The following MDGA2 variants were observed in gnomAD, a reference collection of about 807,000 sequenced individuals.
The protein encoded by MDGA2 is MAM domain-containing glycosylphosphatidylinositol anchor protein 2.
In MDGA2, 40 loss-of-function variants were observed where a neutral mutation model predicts 117.8. The observed-to-expected ratio is 0.34, with a 90% CI of 0.26 to 0.44. MDGA2 has a LOEUF of 0.44. Among genes scored for constraint, MDGA2 ranks in the 20% least tolerant of loss-of-function variants. The pLI is 1.00. For missense variants in MDGA2, 1,123 were observed against 1,250.6 expected (o/e 0.90, Z 1.54); for synonymous variants, 452 against 439.0 (o/e 1.03, Z -0.37).
chr14:47,514,074 TAAC>T (rs1894701066), intron 1 of MDGA2, among the ~76,000 whole-genome samples: 1 of 152,148 alleles, frequency 6.6e-6, no homozygotes, highest in South Asian at 2.1e-4. Context: ...ACAGCAGACT[TAAC>T]AACAAGGAGT....
intron 1 of MDGA2, among the ~76,000 whole-genome samples, chr14:47,592,784 T>C (rs575159593): frequency 6.6e-6 from 1 of 152,054 alleles, no homozygotes; most frequent in African/African-American, 2.4e-5. Context: ...ATAAAAACCC[T>C]GGAAAAATAA....
At chr14:46,971,494 G>C (rs563620089) in intron 8 of MDGA2, among the ~76,000 whole-genome samples, 2 of 152,200 alleles carry the variant, frequency 1.3e-5, no homozygotes, top group Non-Finnish European at 2.9e-5. Context: ...TCATATGTGA[G>C]AGATTAAAAA....
At chr14:47,362,345 G>A (rs1397787838) in intron 1 of MDGA2, among the ~76,000 whole-genome samples, 3 of 152,112 alleles carry the variant, frequency 2.0e-5, no homozygotes, top group Non-Finnish European at 4.4e-5. Flanking sequence ...GGTATTGAGT[G>A]TGTATATCTA....
chr14:47,263,124 T>C (rs980590754), intron 2 of MDGA2, among the ~76,000 whole-genome samples: 2 of 152,108 alleles, frequency 1.3e-5, no homozygotes, highest in Admixed American at 6.6e-5. Context: ...TGTATTGTCC[T>C]GGTGACATCC....
At position 47,540,540 on chromosome 14, in the gene MDGA2, G is replaced by GTGTGTATATATA; in HGVS notation, c.280+133976_280+133977insTATATATACACA. On this transcript the variant is annotated intron_variant, in intron 1 of 16. Coordinates refer to ENST00000399232, the MANE Select transcript of MDGA2 (RefSeq NM_001113498.3). ...TGTATATGTGTGTGTGTGTGTGTGT[G>GTGTGTATATATA]TATATATATATATGTATATATATAC... 1.7e-3 allele frequency among the ~76,000 whole-genome samples: 131 copies of GTGTGTATATATA among 79,172 alleles called. 3 individuals are homozygous for GTGTGTATATATA. Among genetic ancestry groups the GTGTGTATATATA allele is most frequent in the East Asian group, 0.015 (30 of 2,030 alleles). 51.9% of individuals were successfully genotyped at this position (79,172 alleles called of 152,430 possible).
At chr14:47,403,939 C>A (rs1383282115) in intron 1 of MDGA2, among the ~76,000 whole-genome samples, 1 of 152,038 alleles carries the variant, frequency 6.6e-6, no homozygotes, top group Non-Finnish European at 1.5e-5. Context: ...TTGCTAAGGC[C>A]TCCCTGATAG....
At chr14:47,386,635 C>A (rs1891765946) in intron 1 of MDGA2, among the ~76,000 whole-genome samples, 1 of 152,142 alleles carries the variant, frequency 6.6e-6, no homozygotes, top group Non-Finnish European at 1.5e-5. Flanking sequence ...AATGGAGAGA[C>A]AAGTACCAAG....
At chr14:47,365,725 AG>A (rs1891217614) in intron 1 of MDGA2, among the ~76,000 whole-genome samples, 1 of 152,220 alleles carries the variant, frequency 6.6e-6, no homozygotes, top group South Asian at 2.1e-4. Context: ...TCCAGAAGGA[AG>A]GACATTAATA....
intron 3 of MDGA2, among the ~76,000 whole-genome samples, chr14:47,165,259 AC>A (rs1883822700): frequency 6.6e-6 from 1 of 151,640 alleles, no homozygotes; most frequent in African/African-American, 2.4e-5. Context: ...ATAAAAAAAT[AC>A]AAAAAAAGAA....
intron 1 of MDGA2, among the ~76,000 whole-genome samples, chr14:47,422,862 C>T (rs1892607172): frequency 1.3e-5 from 2 of 152,078 alleles, no homozygotes; most frequent in Non-Finnish European, 2.9e-5. Context: ...TCTATACACT[C>T]GAAACCCTAG....
intron 8 of MDGA2, among the ~76,000 whole-genome samples, chr14:46,978,096 T>C (rs1039758638): frequency 6.6e-6 from 1 of 151,942 alleles, no homozygotes; most frequent in Non-Finnish European, 1.5e-5. Flanking sequence ...GTTCTAGGTA[T>C]AATAGTTTCA....
chr14:47,115,890 T>A (rs1881302666), intron 5 of MDGA2, among the ~76,000 whole-genome samples: 6 of 152,172 alleles, frequency 3.9e-5, no homozygotes, highest in Admixed American at 3.9e-4. Context: ...GGATGCCTGC[T>A]TTCACCACTT....
intron 2 of MDGA2, among the ~76,000 whole-genome samples, chr14:47,285,948 G>T (rs1364734594): frequency 6.6e-6 from 1 of 152,022 alleles, no homozygotes; most frequent in South Asian, 2.1e-4. Flanking sequence ...AAGTAATAAT[G>T]CCTGTCATAT....
At chr14:47,504,030 C>T (rs1292039717) in intron 1 of MDGA2, among the ~76,000 whole-genome samples, 3 of 152,060 alleles carry the variant, frequency 2.0e-5, no homozygotes, top group East Asian at 1.9e-4. Flanking sequence ...CTAGAATACA[C>T]GGCAACTTTA....
chr14:46,883,740 G>C (rs1595019339), intron 10 of MDGA2, among the ~76,000 whole-genome samples: 1 of 152,008 alleles, frequency 6.6e-6, no homozygotes, highest in African/African-American at 2.4e-5. Context: ...TAATTTATTA[G>C]ATGAGATAAC....
Position 47,421,481 on chromosome 14 carries a change from C to T in MDGA2, c.281-119931G>A, listed in dbSNP as rs1594848714. Among the ~76,000 whole-genome samples the T allele has an allele frequency of 2.6e-5, 3 of 115,120 alleles. 1 individual carries two copies. In the Middle Eastern group the frequency reaches 0.016, roughly 619 times the overall value. The allele number at this position is 115,120 out of a possible 152,430, so 75.5% of individuals were successfully genotyped here. On this transcript the variant is annotated intron_variant, in intron 1 of 16. Coordinates refer to ENST00000399232, the MANE Select transcript of MDGA2 (RefSeq NM_001113498.3). ...TAACTTCCATCCTTTAATATGTGGA[C>T]CAGCTGAAAAGCAAAACAAACAAAA...
At chr14:47,197,156 C>T (rs559127944) in intron 3 of MDGA2, among the ~76,000 whole-genome samples, 18 of 152,148 alleles carry the variant, frequency 1.2e-4, no homozygotes, top group South Asian at 2.1e-4. Context: ...TTTTATAATA[C>T]GTAATACATA....
intron 2 of MDGA2, among the ~76,000 whole-genome samples, chr14:47,260,301 C>T (rs934885410): frequency 2.0e-5 from 3 of 151,988 alleles, no homozygotes; most frequent in Non-Finnish European, 4.4e-5. Flanking sequence ...CTCTGAGATA[C>T]CCTAGCACTA....
At chr14:47,047,908 A>G (rs914943906) in intron 7 of MDGA2, among the ~76,000 whole-genome samples, 19 of 152,036 alleles carry the variant, frequency 1.2e-4, no homozygotes, top group Admixed American at 5.3e-4. Context: ...ATACTATTTG[A>G]AGAAAATGAC....
Sources: gnomAD v4.1 joint callset for allele counts (sites outside exome capture counted in the v4.1 genomes callset) on GRCh38, gnomAD v4.1.1 for gene constraint, MANE v1.5 for transcripts, NCBI Gene and HGNC (gene_info 2026-07-23, HGNC 2026-07-21) for gene names.